The following ATP12A variants were observed in gnomAD, a reference collection of about 807,000 sequenced individuals.
ATP12A encodes ATPase H+/K+ transporting non-gastric alpha2 subunit.
In ATP12A, 81 loss-of-function variants were observed where a neutral mutation model predicts 111.2. The observed-to-expected ratio is 0.73, with a 90% CI of 0.61 to 0.88. The LOEUF is 0.88. Ranked by LOEUF, ATP12A falls within the 40% of genes least tolerant of loss-of-function variation. ATP12A has a pLI of 0.00. For missense variants in ATP12A, 1,196 were observed against 1,313.1 expected (o/e 0.91, Z 1.38); for synonymous variants, 498 against 499.8 (o/e 1.00, Z 0.05).
rs1874435176 is a variant in ATP12A at position 24,681,595 on chromosome 13, G to A, written c.43G>A (p.Gly15Arg). ...AGAAATTTACTCCGTGGAGCTCAGC[G>A]GAACTAAGGACATCGTGAAAACAGA... ...TPEIYSVELS[G>R]TKDIVKTDKG... Residue 15 changes from glycine (G) to arginine (R), a missense_variant, in exon 2 of 23, where the codon GGA (glycine) becomes AGA (arginine). Gly to Arg is a moderately radical substitution (Grantham distance 125, BLOSUM62 -2). Transcript: ENST00000381946. The A allele has an allele frequency of 2.5e-6, 4 of 1,614,108 alleles. No individual in the cohort carries two copies. The highest frequency in any genetic ancestry group is 3.4e-6 in the Non-Finnish European group (4 of 1,180,028).
intron 14 of ATP12A, chr13:24,704,687 G>T: frequency 4.5e-6 from 1 of 222,026 alleles, no homozygotes; most frequent in South Asian, 5.9e-5. Flanking sequence ...TCAGCTCTTT[G>T]GAACGAGAGA....
chr13:24,680,896 G>A, intron 1 of ATP12A, 144 bp downstream of exon 1: 1 of 1,316,344 alleles, frequency 7.6e-7, no homozygotes, highest in Middle Eastern at 2.5e-4. Flanking sequence ...TTTCCTCTGA[G>A]CGCCCCCCGG....
intron 12 of ATP12A, among the ~76,000 whole-genome samples, chr13:24,699,771 G>T (rs1392371968): frequency 6.6e-6 from 1 of 152,152 alleles, no homozygotes; most frequent in Non-Finnish European, 1.5e-5. Context: ...CTGGCGGAAT[G>T]GTGCCCCATC....
intron 1 of ATP12A, among the ~76,000 whole-genome samples, chr13:24,681,249 T>A (rs1376389640): frequency 6.6e-6 from 1 of 151,774 alleles, no homozygotes; most frequent in Non-Finnish European, 1.5e-5. Flanking sequence ...ACCTCACAGC[T>A]CCTTGGAGGC....
rs534559668 is a variant in ATP12A at position 24,692,374 on chromosome 13, T to C, written c.1069-55T>C. On this transcript the variant is annotated intron_variant, in intron 8 of 22. Transcript: ENST00000381946. ...CTCACATTGGCTATTTCTGTATTAT[T>C]GGACCTGAGTTCAAATGAGGATTTT... The C allele has an allele frequency of 5.1e-6, 8 of 1,556,452 alleles. No individual in the cohort carries two copies. The South Asian group carries it at 6.8e-5, about 13-fold the overall frequency.
intron 17 of ATP12A, 73 bp from the exon 18 acceptor site, chr13:24,709,291 C>A: frequency 4.7e-6 from 4 of 844,510 alleles, no homozygotes; most frequent in African/African-American, 1.7e-5. Flanking sequence ...CCCACCCACC[C>A]CAGCCCCCCT....
At chr13:24,706,290 C>T in intron 14 of ATP12A, 23 bp from the exon 15 acceptor site, 1 of 1,611,350 alleles carries the variant, frequency 6.2e-7, no homozygotes, top group Non-Finnish European at 8.5e-7. Flanking sequence ...TGGGCCTCAC[C>T]CAGTTTCTTC....
At position 24,711,887 on chromosome 13, in the gene ATP12A, A is replaced by T. The variant is rs764363753; in HGVS notation, c.*365A>T. Reference sequence around the variant, plus strand: ...TAAGCTCTAGCTAGGATTGCTCAGAACTCCTTTCCACACCCTATTAAAGGC... The same window carrying T: ...TAAGCTCTAGCTAGGATTGCTCAGATCTCCTTTCCACACCCTATTAAAGGC... On this transcript the variant is annotated 3_prime_UTR_variant, in exon 23 of 23. Coordinates refer to ENST00000381946, the MANE Select transcript of ATP12A (RefSeq NM_001676.7). 3.4e-6 allele frequency: 1 copy of T among 290,102 alleles called. No individual in the cohort carries two copies. Among genetic ancestry groups the T allele is most frequent in the Non-Finnish European group, 6.5e-6 (1 of 153,142 alleles). The allele number at this position is 290,102 out of a possible 1,614,324, so 18.0% of individuals were successfully genotyped here. A position where few individuals can be genotyped will look rare whatever the true frequency, so the allele number is the denominator to read the frequency against.
At chr13:24,703,073 C>T (rs78976039) in intron 14 of ATP12A, among the ~76,000 whole-genome samples, 5,382 of 152,300 alleles carry the variant, frequency 0.035, 169 homozygotes, top group African/African-American at 0.085. Flanking sequence ...CCAGGGTTCC[C>T]GCCTCTGGGC....
At chr13:24,683,961 T>G (rs1874575022) in intron 2 of ATP12A, among the ~76,000 whole-genome samples, 1 of 152,164 alleles carries the variant, frequency 6.6e-6, no homozygotes, top group Non-Finnish European at 1.5e-5. Flanking sequence ...TCCCGGCCTT[T>G]GAATGAAAGG....
chr13:24,711,205 T>C, intron 21 of ATP12A, 113 bp from the exon 22 acceptor site: 1 of 1,022,964 alleles, frequency 9.8e-7, no homozygotes. Flanking sequence ...CGTGGATTTG[T>C]CGTTCTTTGC....
chr13:24,681,260 A>G (rs1874418534), intron 1 of ATP12A, among the ~76,000 whole-genome samples: 1 of 152,084 alleles, frequency 6.6e-6, no homozygotes, highest in Admixed American at 6.5e-5. Flanking sequence ...CCTTGGAGGC[A>G]TCAGTCAGGA....
At chr13:24,681,811 A>G (rs776842168) in intron 2 of ATP12A, 91 bp downstream of exon 2, 5 of 1,487,622 alleles carry the variant, frequency 3.4e-6, no homozygotes, top group Non-Finnish European at 4.6e-6. Context: ...ACAGACATTC[A>G]GTCTGAGGGA....
chr13:24,708,524 C>T (rs1875767098), intron 17 of ATP12A, among the ~76,000 whole-genome samples: 1 of 152,138 alleles, frequency 6.6e-6, no homozygotes, highest in Non-Finnish European at 1.5e-5. Flanking sequence ...TCACATTTGC[C>T]TGCTTTGCTC....
At chr13:24,708,937 G>GAA (rs1370843821) in intron 17 of ATP12A, among the ~76,000 whole-genome samples, 1 of 142,876 alleles carries the variant, frequency 7.0e-6, no homozygotes, top group Non-Finnish European at 1.5e-5. Flanking sequence ...AAGAAAGAAA[G>GAA]AAAGAAAGAA....
intron 13 of ATP12A, among the ~76,000 whole-genome samples, chr13:24,701,135 A>T (rs1566075545): frequency 6.6e-6 from 1 of 152,214 alleles, no homozygotes; most frequent in Admixed American, 6.5e-5. Context: ...ATAAACAGTA[A>T]ATGCAATGAG....
At chr13:24,695,152 C>G (rs930069499) in intron 11 of ATP12A, among the ~76,000 whole-genome samples, 3 of 152,218 alleles carry the variant, frequency 2.0e-5, no homozygotes, top group African/African-American at 7.2e-5. Context: ...AAGCCTGACA[C>G]CAGGTCCACG....
At chr13:24,682,171 T>TG (rs1874494166) in intron 2 of ATP12A, among the ~76,000 whole-genome samples, 3 of 131,638 alleles carry the variant, frequency 2.3e-5, no homozygotes, top group Non-Finnish European at 3.2e-5. Flanking sequence ...TGTGTGTATG[T>TG]GTGTGGTGTG....
rs1053415104 is a variant in ATP12A, at chr13:24,709,971, G to A, written c.2763+143G>A. On this transcript the variant is annotated intron_variant, in intron 19 of 22. Transcript: ENST00000381946. The stretch of plus-strand genomic sequence containing the variant: ...GGGCTCAGGGCCCCCTTGCTGACAC[G>A]TGTTTGGCCTTTGCCAGGTCTCATG... 21 of 1,274,238 alleles carry A rather than the reference G, an allele frequency of 1.6e-5. No homozygotes were observed. The African/African-American group carries it at 1.8e-4, about 11-fold the overall frequency. The allele number at this position is 1,274,238 out of a possible 1,614,324, so 78.9% of individuals were successfully genotyped here. A position where few individuals can be genotyped will look rare whatever the true frequency, so the allele number is the denominator to read the frequency against.
Sources: allele counts gnomAD v4.1 joint callset (sites outside exome capture counted in the v4.1 genomes callset), GRCh38; gene constraint gnomAD v4.1.1; transcripts MANE v1.5; gene names NCBI Gene and HGNC (gene_info 2026-07-23, HGNC 2026-07-21).